Variants in ACOT9 observed in about 807,000 individuals in gnomAD.
ACOT9 encodes acyl-CoA thioesterase 9, also known as acyl-coenzyme A thioesterase 9, mitochondrial.
Under a neutral mutation model 39.7 loss-of-function variants are expected in ACOT9, and 34 were observed. That is an observed-to-expected ratio of 0.86 (90% CI 0.65 to 1.14). The LOEUF is 1.14. Among genes scored for constraint, ACOT9 ranks in the 50% most tolerant of loss-of-function variants. The pLI, the probability that ACOT9 is intolerant of heterozygous loss-of-function variation, is 0.00. For missense variants in ACOT9, 313 were observed against 344.1 expected (o/e 0.91, Z 0.71); for synonymous variants, 110 against 120.5 (o/e 0.91, Z 0.57).
At chrX:23,733,993 T>A (rs1929848889) in intron 3 of ACOT9, among the ~76,000 whole-genome samples, 1 of 111,794 alleles carries the variant, frequency 8.9e-6, no homozygotes, top group African/African-American at 3.3e-5. Context: ...ACTCCTGACC[T>A]CAGGTGATCC....
intron 6 of ACOT9, among the ~76,000 whole-genome samples, chrX:23,723,599 CA>C (rs34401071): frequency 0.032 from 1,756 of 54,316 alleles, 29 homozygotes; most frequent in African/African-American, 0.071. Flanking sequence ...AAGACTGTCT[CA>C]AAAAAAAAAA....
chrX:23,719,935 C>A (rs1238285349), intron 8 of ACOT9, among the ~76,000 whole-genome samples: 2 of 110,627 alleles, frequency 1.8e-5, no homozygotes, highest in Non-Finnish European at 1.9e-5. Context: ...CTCCTGGGTT[C>A]ACGCCATTCT....
At chrX:23,739,746 A>T (rs5925896) in intron 1 of ACOT9, among the ~76,000 whole-genome samples, 1 of 109,107 alleles carries the variant, frequency 9.2e-6, no homozygotes, top group East Asian at 2.9e-4. Flanking sequence ...GCAGTGAGCC[A>T]TGATCGCACC....
In ACOT9 at chrX:23,705,778, C is replaced by T; in HGVS notation, c.923G>A (p.Cys308Tyr). The T allele has an allele frequency of 1.7e-6, 2 of 1,208,436 alleles. No individual in the cohort carries two copies. Among genetic ancestry groups the T allele is most frequent in the Non-Finnish European group, 2.2e-6 (2 of 892,494 alleles). ...ACTAAATTATAATACCTGAGGGTGG[C>T]AAATTTCCAAACTCTTCAGTTTTGA... is the stretch of plus-strand genomic sequence containing the variant. ...ENSKLKSLEI[C>Y]HPQERNIFNR... is the part of the protein sequence containing the mutation. The change falls in exon 12 of 16, where the codon TGC (cysteine) becomes TAC (tyrosine). Residue 308 changes from cysteine to tyrosine, a missense_variant. By Grantham distance (194) the Cys-to-Tyr change is radical. Transcript: ENST00000379303.
chrX:23,713,033 G>T, intron 9 of ACOT9, 102 bp downstream of exon 9: 2 of 637,137 alleles, frequency 3.1e-6, no homozygotes, highest in East Asian at 7.4e-5. Context: ...AAACTGTTAC[G>T]TCCAAGTGAT....
chrX:23,734,188 G>C (rs1223795175), intron 3 of ACOT9, 153 bp downstream of exon 3: 1 of 133,152 alleles, frequency 7.5e-6, no homozygotes, highest in Non-Finnish European at 1.4e-5. Context: ...TGTTAGAAAA[G>C]TTTAAGCCAG....
At chrX:23,727,398 T>C (rs1339182654) in intron 6 of ACOT9, among the ~76,000 whole-genome samples, 1 of 110,692 alleles carries the variant, frequency 9.0e-6, no homozygotes, top group Non-Finnish European at 1.9e-5. Context: ...TCACCACAGC[T>C]CACTGCAGCC....
In ACOT9 at chrX:23,740,744, ACACACACACACACACACACCG is replaced by A. The variant is rs1333592283; in HGVS notation, c.20+2360_20+2380del. 3.5e-3 allele frequency among the ~76,000 whole-genome samples: 144 copies of A among 40,610 alleles called. 1 individual carries two copies. Among genetic ancestry groups the A allele is most frequent in the Middle Eastern group, 9.9e-3 (1 of 101 alleles). 35.3% of individuals were successfully genotyped at this position (40,610 alleles called of 115,157 possible). ...CACACACACACACACACACACACAC[ACACACACACACACACACACCG>A]CACTGAGGTGGAGGAGGTGGGAGAA... On this transcript the variant is annotated intron_variant, in intron 1 of 15. Coordinates refer to ENST00000379303, the MANE Select transcript of ACOT9 (RefSeq NM_001037171.2).
At chrX:23,731,474 C>CAAAAAAAAAAAAAAAAAAAAAAAAATAAA (rs59649997) in intron 4 of ACOT9, among the ~76,000 whole-genome samples, 1 of 68,764 alleles carries the variant, frequency 1.5e-5, no homozygotes, top group Non-Finnish European at 3.1e-5. Flanking sequence ...AAGACTGTCT[C>CAAAAAAAAAAAAAAAAAAAAAAAAATAAA]AAAAAAAAAA....
chrX:23,735,373 G>A (rs17285985), intron 2 of ACOT9, among the ~76,000 whole-genome samples: 4,879 of 108,821 alleles, frequency 0.045, 99 homozygotes, highest in Middle Eastern at 0.084. Context: ...GGCAAGTATT[G>A]AGGGCCAAGA....
chrX:23,708,543 A>AGAAAAAG (rs1251782381), intron 9 of ACOT9, among the ~76,000 whole-genome samples: 2 of 108,694 alleles, frequency 1.8e-5, no homozygotes, highest in African/African-American at 6.9e-5. Flanking sequence ...AAAAAGAAAA[A>AGAAAAAG]AAAAAAAAAA....
At chrX:23,707,531 G>C (rs1301759937) in intron 10 of ACOT9, among the ~76,000 whole-genome samples, 1 of 111,341 alleles carries the variant, frequency 9.0e-6, no homozygotes, top group Non-Finnish European at 1.9e-5. Context: ...GAGTTCAGGA[G>C]ATCGAGACCA....
At chrX:23,732,967 C>G (rs749847278) in intron 4 of ACOT9, among the ~76,000 whole-genome samples, 1 of 111,865 alleles carries the variant, frequency 8.9e-6, no homozygotes, top group Non-Finnish European at 1.9e-5. Flanking sequence ...GCAGAATATA[C>G]GTAAATCATC....
At chrX:23,735,224 G>C (rs1929902183) in intron 2 of ACOT9, among the ~76,000 whole-genome samples, 1 of 67,129 alleles carries the variant, frequency 1.5e-5, no homozygotes, top group South Asian at 1.3e-3. Context: ...CTGGGTGACA[G>C]AGCAAGACTC....
chrX:23,730,386 C>T (rs1290199556), intron 6 of ACOT9, 141 bp downstream of exon 6: 2 of 480,598 alleles, frequency 4.2e-6, no homozygotes, highest in African/African-American at 4.9e-5. Context: ...AGCCACCACG[C>T]CCGGCCGATG....
intron 11 of ACOT9, 43 bp downstream of exon 11, chrX:23,706,585 A>G: frequency 1.5e-6 from 1 of 647,179 alleles, no homozygotes; most frequent in Non-Finnish European, 2.4e-6. Flanking sequence ...AAAAAAGGCC[A>G]AGGTTTAAAT....
rs1929365934 is a variant in ACOT9, at chrX:23,722,759, G to A, written c.401-6C>T. 8.6e-7 allele frequency: 1 copy of A among 1,158,217 alleles called. No individual in the cohort carries two copies. The stretch of plus-strand genomic sequence containing the variant: ...GTGCATGTAACAAATAAGAACTGCA[G>A]GGAAACAGGAGTGTACCAAATTTTA... On this transcript the variant is annotated splice_polypyrimidine_tract_variant and splice_region_variant and intron_variant, in intron 6 of 15. Coordinates refer to ENST00000379303, the MANE Select transcript of ACOT9 (RefSeq NM_001037171.2).
At chrX:23,722,053 T>G in intron 7 of ACOT9, 69 bp from the exon 8 acceptor site, 2 of 711,744 alleles carry the variant, frequency 2.8e-6, no homozygotes, top group Non-Finnish European at 4.1e-6. Flanking sequence ...TATGAACAAT[T>G]AGAAATTATG....
At position 23,701,350 on chromosome X, in the gene ACOT9, G is replaced by T. The variant is rs1928478594; in HGVS notation, c.*2544C>A. Among the ~76,000 whole-genome samples the T allele has an allele frequency of 9.0e-6, 1 of 111,595 alleles. No individual in the cohort carries two copies. Among genetic ancestry groups the T allele is most frequent in the South Asian group, 3.8e-4 (1 of 2,660 alleles). Reference sequence around the variant, plus strand: ...CGGCATGGAGAGACAAGTTATTATAGTACAGCACATGCTTGATTCCATGAG... The same window carrying T: ...CGGCATGGAGAGACAAGTTATTATATTACAGCACATGCTTGATTCCATGAG... On this transcript the variant is annotated 3_prime_UTR_variant, in exon 16 of 16. Transcript: ENST00000379303.
Sources: allele counts gnomAD v4.1 joint callset (sites outside exome capture counted in the v4.1 genomes callset), GRCh38; gene constraint gnomAD v4.1.1; transcripts MANE v1.5; gene names NCBI Gene and HGNC (gene_info 2026-07-23, HGNC 2026-07-21).